The following ZBTB40 variants were observed in gnomAD, a reference collection of about 807,000 sequenced individuals.
ZBTB40 encodes the protein zinc finger and BTB domain containing 40.
ZBTB40 carries 60 observed loss-of-function variants against 117.5 expected under a neutral mutation model. The ratio of observed to expected loss-of-function variants is 0.51; its 90% confidence interval spans 0.41 to 0.63. The LOEUF is 0.63. Among genes scored for constraint, ZBTB40 ranks in the 30% least tolerant of loss-of-function variants. The pLI, the probability that ZBTB40 is intolerant of heterozygous loss-of-function variation, is 0.00. For missense variants in ZBTB40, 1,287 were observed against 1,498.5 expected (o/e 0.86, Z 2.33); for synonymous variants, 525 against 577.1 (o/e 0.91, Z 1.29).
At chr1:22,486,121 T>A (rs1040296364) in intron 1 of ZBTB40, among the ~76,000 whole-genome samples, 2 of 152,228 alleles carry the variant, frequency 1.3e-5, no homozygotes, top group African/African-American at 4.8e-5. Flanking sequence ...TAGTATGCCT[T>A]GTAATTTTTT....
intron 1 of ZBTB40, among the ~76,000 whole-genome samples, chr1:22,430,166 C>T (rs1295114852): frequency 6.6e-6 from 1 of 152,160 alleles, no homozygotes; most frequent in Non-Finnish European, 1.5e-5. Flanking sequence ...ATTTATCTGA[C>T]TCTAAATCAT....
At chr1:22,501,321 G>A (rs1483834896) in intron 3 of ZBTB40, among the ~76,000 whole-genome samples, 171 bp from the exon 4 acceptor site, 1 of 152,230 alleles carries the variant, frequency 6.6e-6, no homozygotes, top group Non-Finnish European at 1.5e-5. Context: ...GCAGGAGCAT[G>A]GGACCGCAGG....
intron 1 of ZBTB40, among the ~76,000 whole-genome samples, chr1:22,467,478 T>C (rs1174335044): frequency 6.6e-6 from 1 of 152,156 alleles, no homozygotes; most frequent in Non-Finnish European, 1.5e-5. Context: ...GCAAGTAGTT[T>C]TGTTTTTGTT....
At chr1:22,452,859 T>A (rs1302181057) in intron 1 of ZBTB40, 3 of 152,392 alleles carry the variant, frequency 2.0e-5, no homozygotes, top group Non-Finnish European at 4.4e-5. Flanking sequence ...TGAATAGCGT[T>A]GGTACCATGC....
intron 3 of ZBTB40, among the ~76,000 whole-genome samples, chr1:22,493,731 G>T (rs1488919090): frequency 6.6e-6 from 1 of 150,838 alleles, no homozygotes; most frequent in Non-Finnish European, 1.5e-5. Context: ...TATAAATGGA[G>T]TCATATGGTG....
chr1:22,440,851 T>C (rs1640724127), intron 1 of ZBTB40, among the ~76,000 whole-genome samples: 1 of 152,188 alleles, frequency 6.6e-6, no homozygotes, highest in South Asian at 2.1e-4. Context: ...TGTATAATCC[T>C]TTTACTATGC....
At chr1:22,454,504 G>T (rs1640960440) in intron 1 of ZBTB40, among the ~76,000 whole-genome samples, 1 of 152,178 alleles carries the variant, frequency 6.6e-6, no homozygotes, top group African/African-American at 2.4e-5. Flanking sequence ...CTTAAGAAAG[G>T]CAGTTTAAGC....
chr1:22,480,421 T>C (rs773959073), intron 1 of ZBTB40, among the ~76,000 whole-genome samples: 1 of 152,248 alleles, frequency 6.6e-6, no homozygotes, highest in Non-Finnish European at 1.5e-5. Context: ...CATTTTCTGC[T>C]ATTAGCTTTT....
chr1:22,513,246 G>A lies in ZBTB40; in HGVS notation c.2668+116G>A, dbSNP rs1043654533. 1.3e-5 allele frequency: 14 copies of A among 1,102,120 alleles called. No homozygotes were observed. Among genetic ancestry groups the A allele is most frequent in the Non-Finnish European group, 1.9e-5 (14 of 750,340 alleles). 68.3% of individuals were successfully genotyped at this position (1,102,120 alleles called of 1,614,324 possible). ...ACAAAACAATTTGATAGCACAACAG[G>A]GTGACTAAAGTCAATAATAACTTAA... On this transcript the variant is annotated intron_variant, in intron 12 of 17. Coordinates refer to ENST00000375647, the MANE Select transcript of ZBTB40 (RefSeq NM_014870.4). The surrounding 1 kb of genome is among the most constrained non-coding windows in gnomAD (Gnocchi z 4.9).
At chr1:22,459,707 A>G (rs1641087296) in intron 1 of ZBTB40, among the ~76,000 whole-genome samples, 1 of 151,728 alleles carries the variant, frequency 6.6e-6, no homozygotes, top group African/African-American at 2.4e-5. Context: ...TATGAACTTA[A>G]TAATCAATTT....
At chr1:22,480,052 AC>A (rs74856706) in intron 1 of ZBTB40, among the ~76,000 whole-genome samples, 3,176 of 151,192 alleles carry the variant, frequency 0.021, 78 homozygotes, top group East Asian at 0.14. Context: ...GATTACAGGC[AC>A]CCCCCCACCA....
At chr1:22,493,966 A>G (rs1033448034) in intron 3 of ZBTB40, among the ~76,000 whole-genome samples, 2 of 152,052 alleles carry the variant, frequency 1.3e-5, no homozygotes, top group African/African-American at 2.4e-5. Flanking sequence ...CTTCATCTTT[A>G]TAAGCCTCAG....
chr1:22,449,946 CTTT>C (rs35273875), upstream of ZBTB40, among the ~76,000 whole-genome samples: 1 of 143,874 alleles, frequency 7.0e-6, no homozygotes, highest in African/African-American at 2.6e-5. Context: ...AAATATTTCT[CTTT>C]TTTTTTTTTT....
At chr1:22,518,140 C>G (rs1639424226) in intron 13 of ZBTB40, among the ~76,000 whole-genome samples, 1 of 152,230 alleles carries the variant, frequency 6.6e-6, no homozygotes, top group South Asian at 2.1e-4. Flanking sequence ...CTGGCCACAT[C>G]ACATTTTCTT....
In ZBTB40 at chr1:22,512,112, C is replaced by T; in HGVS notation, c.2439C>T (p.Gly813=). The T allele has an allele frequency of 6.2e-7, 1 of 1,613,282 alleles. No individual in the cohort carries two copies. The highest frequency in any genetic ancestry group is 1.1e-5 in the South Asian group (1 of 91,052). Residue 813 remains glycine (G), a synonymous_variant, in exon 11 of 18, where the codon GGC becomes GGT. Transcript: ENST00000375647. ...TTCCAGTGACATGTGACCTCTGTGG[C>T]AGAGAATTTGCCCATGCCTCAGGTA... is the stretch of plus-strand genomic sequence containing the variant. ...KRLPVTCDLC[G]REFAHASGMQ... is the part of the protein sequence containing the mutation.
At chr1:22,506,822 A>G (rs1392291770) in intron 6 of ZBTB40, among the ~76,000 whole-genome samples, 1 of 152,258 alleles carries the variant, frequency 6.6e-6, no homozygotes, top group Non-Finnish European at 1.5e-5. Context: ...ATGTACTTAC[A>G]CAAGCTTGGA....
intron 1 of ZBTB40, among the ~76,000 whole-genome samples, chr1:22,432,195 G>T (rs577300928): frequency 1.3e-5 from 2 of 152,244 alleles, no homozygotes; most frequent in East Asian, 1.9e-4. Context: ...TTTTCTTCTG[G>T]CTTGTATAAT....
chr1:22,481,025 G>A (rs572833033), intron 1 of ZBTB40, among the ~76,000 whole-genome samples: 1 of 152,196 alleles, frequency 6.6e-6, no homozygotes, highest in African/African-American at 2.4e-5. Context: ...TCCCAGCTTA[G>A]GGCCTGTACA....
chr1:22,469,642 C>T (rs184200508), intron 1 of ZBTB40, among the ~76,000 whole-genome samples: 4 of 152,148 alleles, frequency 2.6e-5, no homozygotes, highest in East Asian at 1.9e-4. Context: ...CTGAAACCTC[C>T]GCCTCCTGGC....
Sources: gnomAD v4.1 joint callset for allele counts (sites outside exome capture counted in the v4.1 genomes callset) on GRCh38, gnomAD v4.1.1 for gene constraint, Gnocchi (gnomAD v3.1) non-coding constraint, MANE v1.5 for transcripts, NCBI Gene and HGNC (gene_info 2026-07-23, HGNC 2026-07-21) for gene names.